The following DCDC1 variants were observed in gnomAD, a reference collection of about 807,000 sequenced individuals.
DCDC1 encodes the protein doublecortin domain-containing protein 1.
DCDC1 carries 200 observed loss-of-function variants against 178.3 expected under a neutral mutation model. That is an observed-to-expected ratio of 1.12 (90% CI 1.00 to 1.26). The LOEUF is 1.26. DCDC1 is among the 50% of genes most tolerant of loss of function. The pLI is 0.00. For missense variants in DCDC1, 1,983 were observed against 1,749.2 expected (o/e 1.13, Z -2.38); for synonymous variants, 690 against 604.8 (o/e 1.14, Z -2.07).
chr11:30,946,646 T>G (rs1333622016), intron 21 of DCDC1, among the ~76,000 whole-genome samples: 1 of 152,160 alleles, frequency 6.6e-6, no homozygotes, highest in South Asian at 2.1e-4. Context: ...CAGGGGATCA[T>G]GATTTTTAAG....
At chr11:30,888,064 G>GAA (rs1565029139) in intron 36 of DCDC1, among the ~76,000 whole-genome samples, 36 of 74,364 alleles carry the variant, frequency 4.8e-4, no homozygotes, top group African/African-American at 2.0e-3. Context: ...GAAAGAAAGA[G>GAA]AGAGAGAGAG....
chr11:31,175,209 C>T (rs1266099441), intron 9 of DCDC1, among the ~76,000 whole-genome samples: 1 of 152,174 alleles, frequency 6.6e-6, no homozygotes, highest in Non-Finnish European at 1.5e-5. Flanking sequence ...TGCAGGATGC[C>T]TGGTTCAGCC....
At chr11:30,946,853 T>G (rs1948085278) in intron 21 of DCDC1, among the ~76,000 whole-genome samples, 1 of 152,180 alleles carries the variant, frequency 6.6e-6, no homozygotes, top group Admixed American at 6.5e-5. Flanking sequence ...CTAGCTTTTA[T>G]CTGGATGGAA....
In DCDC1 at chr11:31,307,704, G is replaced by A. The variant is rs762821233; in HGVS notation, c.369C>T (p.Asn123=). The change falls in exon 4 of 39, where the codon AAC becomes AAT. Residue 123 remains asparagine, a synonymous_variant. Transcript: ENST00000684477. The stretch of plus-strand genomic sequence containing the variant: ...TGGATGCTGATATAGAACAAGAATT[G>A]TTTTTACTGTTTGATTTGTAGCTAT... ...DLDSYKSNSK[N]NSCSISASKR... 1 of 1,614,046 alleles carries A rather than the reference G, an allele frequency of 6.2e-7. No homozygotes were observed. The highest frequency in any genetic ancestry group is 8.5e-7 in the Non-Finnish European group (1 of 1,179,950).
intron 20 of DCDC1, among the ~76,000 whole-genome samples, chr11:30,958,093 C>A (rs1440835528): frequency 6.6e-6 from 1 of 152,166 alleles, no homozygotes; most frequent in Non-Finnish European, 1.5e-5. Context: ...GAGTGGAATA[C>A]TTGATCATCC....
chr11:30,927,577 G>C (rs1236730643), intron 22 of DCDC1, among the ~76,000 whole-genome samples: 3 of 152,116 alleles, frequency 2.0e-5, no homozygotes, highest in Non-Finnish European at 4.4e-5. Flanking sequence ...CAATGCTGGG[G>C]TTAAAATCAA....
chr11:30,927,418 A>G (rs575101355), intron 22 of DCDC1, among the ~76,000 whole-genome samples: 1 of 152,212 alleles, frequency 6.6e-6, no homozygotes, highest in South Asian at 2.1e-4. Flanking sequence ...GAAAAGAAGA[A>G]GAAAGAAAAA....
At chr11:31,311,612 T>C (rs1056413051) in intron 3 of DCDC1, among the ~76,000 whole-genome samples, 3 of 152,166 alleles carry the variant, frequency 2.0e-5, no homozygotes, top group Admixed American at 2.0e-4. Flanking sequence ...CTCTGGACCA[T>C]CTGGCCCAAC....
intron 3 of DCDC1, among the ~76,000 whole-genome samples, chr11:31,327,813 C>T (rs944286577): frequency 1.3e-5 from 2 of 152,048 alleles, no homozygotes; most frequent in Admixed American, 6.5e-5. Context: ...CTGCAACCTC[C>T]ACCTCCTAGG....
intron 7 of DCDC1, among the ~76,000 whole-genome samples, chr11:31,282,359 T>C (rs1223675818): frequency 1.3e-5 from 2 of 151,706 alleles, no homozygotes; most frequent in Admixed American, 1.3e-4. Flanking sequence ...TAGGTGTATA[T>C]ATGAAAGGGA....
chr11:31,213,584 G>C (rs1973122755), intron 9 of DCDC1, among the ~76,000 whole-genome samples: 1 of 152,018 alleles, frequency 6.6e-6, no homozygotes. Context: ...GCCAGGCGTG[G>C]TGGCGGGCAC....
intron 10 of DCDC1, among the ~76,000 whole-genome samples, chr11:31,131,188 CAA>C (rs565349028): frequency 4.6e-5 from 1 of 21,538 alleles, no homozygotes; most frequent in Non-Finnish European, 1.2e-4. Flanking sequence ...GACTCCGTCT[CAA>C]AAAAAAAAAA....
intron 8 of DCDC1, among the ~76,000 whole-genome samples, chr11:31,250,655 A>T (rs896664401): frequency 6.6e-6 from 1 of 151,816 alleles, no homozygotes; most frequent in African/African-American, 2.4e-5. Flanking sequence ...CAAGGATAGT[A>T]CTAGGCATTT....
rs141444293 is a variant in DCDC1, at chr11:30,875,075, T to G, written c.*40+3469A>C. Among the ~76,000 whole-genome samples the G allele has an allele frequency of 4.8e-4, 73 of 152,332 alleles. 1 individual carries two copies. Among genetic ancestry groups the G allele is most frequent in the African/African-American group, 1.7e-3 (69 of 41,590 alleles). The stretch of plus-strand genomic sequence containing the variant: ...ATTTGGTACAGGGTGACAGCCTTGA[T>G]AGTAGTTTCATATTCCAGACTCGTA... On this transcript the variant is annotated intron_variant, in intron 38 of 38. Coordinates refer to ENST00000684477, the MANE Select transcript of DCDC1 (RefSeq NM_001387274.1).
intron 9 of DCDC1, among the ~76,000 whole-genome samples, chr11:31,212,978 C>T (rs1216831646): frequency 6.6e-6 from 1 of 151,986 alleles, no homozygotes; most frequent in East Asian, 1.9e-4. Flanking sequence ...CTGGATGCCT[C>T]TGCCCTCCTA....
intron 20 of DCDC1, among the ~76,000 whole-genome samples, chr11:30,971,625 T>C (rs1227924500): frequency 1.3e-4 from 18 of 140,658 alleles, no homozygotes; most frequent in Non-Finnish European, 2.5e-4. Context: ...TTTTTTTTTT[T>C]TTGAGACGGA....
At chr11:31,171,669 T>C (rs934261601) in intron 9 of DCDC1, among the ~76,000 whole-genome samples, 1 of 152,184 alleles carries the variant, frequency 6.6e-6, no homozygotes, top group Non-Finnish European at 1.5e-5. Context: ...TATTTACAAC[T>C]TGTGGACCCG....
At chr11:30,948,476 A>C (rs915804726) in intron 21 of DCDC1, among the ~76,000 whole-genome samples, 6 of 152,204 alleles carry the variant, frequency 3.9e-5, no homozygotes, top group Middle Eastern at 3.2e-3. Context: ...GCTACCACTG[A>C]CTTTCTTCAC....
At chr11:31,066,482 A>G (rs772468065) in intron 18 of DCDC1, among the ~76,000 whole-genome samples, 11 of 152,194 alleles carry the variant, frequency 7.2e-5, no homozygotes, top group Non-Finnish European at 1.5e-4. Flanking sequence ...CTAAAATTCT[A>G]AAAAACAAAA....
Sources: allele counts gnomAD v4.1 joint callset (sites outside exome capture counted in the v4.1 genomes callset), GRCh38; gene constraint gnomAD v4.1.1; transcripts MANE v1.5; gene names NCBI Gene and HGNC (gene_info 2026-07-23, HGNC 2026-07-21).